Variants in MUC7 observed in about 807,000 individuals in gnomAD.
The protein encoded by MUC7 is mucin-7.
In MUC7, 2 loss-of-function variants were observed where a neutral mutation model predicts 2.5. The ratio of observed to expected loss-of-function variants is 0.81; its 90% CI spans 0.33 to 2.55. The LOEUF is 2.55. MUC7 is among the 30% of genes most tolerant of loss of function. MUC7 has a pLI of 0.11. For synonymous variants in MUC7, 133 were observed against 173.4 expected, an observed-to-expected ratio of 0.77 and a Z score of 1.83; for missense variants, 408 against 455.6, an observed-to-expected ratio of 0.90 and a Z score of 0.95.
chr4:70,465,514 G>A (rs1457680467), intron 1 of MUC7, among the ~76,000 whole-genome samples: 1 of 152,108 alleles, frequency 6.6e-6, no homozygotes, highest in Non-Finnish European at 1.5e-5. Flanking sequence ...AAGGTTAGCA[G>A]AATTGCTAAC....
At chr4:70,466,065 C>A (rs1343935359) in intron 1 of MUC7, among the ~76,000 whole-genome samples, 1 of 152,210 alleles carries the variant, frequency 6.6e-6, no homozygotes, top group Non-Finnish European at 1.5e-5. Flanking sequence ...GACCTCTCTG[C>A]AGAAACCCTG....
At chr4:70,431,267 AT>A (rs1315810775) in intron 1 of MUC7, among the ~76,000 whole-genome samples, 1 of 150,282 alleles carries the variant, frequency 6.7e-6, no homozygotes, top group Non-Finnish European at 1.5e-5. Context: ...CTTTTTTTTC[AT>A]TTGTAACAAG....
intron 1 of MUC7, among the ~76,000 whole-genome samples, chr4:70,457,321 CTG>C (rs1274934440): frequency 6.6e-6 from 1 of 152,050 alleles, no homozygotes; most frequent in Non-Finnish European, 1.5e-5. Context: ...TGGTGCATGA[CTG>C]TAGTTCCAGC....
At chr4:70,466,325 T>C (rs1051627396) in intron 1 of MUC7, among the ~76,000 whole-genome samples, 2 of 152,070 alleles carry the variant, frequency 1.3e-5, no homozygotes, top group Non-Finnish European at 2.9e-5. Flanking sequence ...GTAAAGACCA[T>C]TGAGGCTAGG....
intron 1 of MUC7, among the ~76,000 whole-genome samples, chr4:70,433,748 C>A (rs1420694151): frequency 6.6e-6 from 1 of 152,170 alleles, no homozygotes; most frequent in Non-Finnish European, 1.5e-5. Flanking sequence ...CTGGCCAGAA[C>A]TTCCAACACT....
Position 70,437,810 on chromosome 4 carries a change from C to T in MUC7, c.-93+7123C>T, listed in dbSNP as rs113540173. ...AAATCACCATCTTCTGCATCAGTCT[C>T]GCTGGGAGCTGTAGACTGGAGCTGT... On this transcript the variant is annotated intron_variant, in intron 1 of 3. Transcript: ENST00000413702. Among the ~76,000 whole-genome samples the T allele has an allele frequency of 2.2e-3, 336 of 152,232 alleles. 1 individual carries two copies. In the Middle Eastern group the frequency reaches 0.024, roughly 11 times the overall value.
upstream of MUC7, among the ~76,000 whole-genome samples, chr4:70,467,210 A>G (rs1043073466): frequency 1.3e-5 from 2 of 152,256 alleles, no homozygotes; most frequent in Admixed American, 1.3e-4. Context: ...TTTGAAACAC[A>G]TGAGAACAAA....
At chr4:70,479,951 G>A (rs534361496) in intron 2 of MUC7, among the ~76,000 whole-genome samples, 1 of 152,208 alleles carries the variant, frequency 6.6e-6, no homozygotes, top group East Asian at 1.9e-4. Flanking sequence ...AGGAATTACA[G>A]TAGTGAGTTC....
chr4:70,437,476 G>T (rs1733877145), intron 1 of MUC7, among the ~76,000 whole-genome samples: 1 of 152,208 alleles, frequency 6.6e-6, no homozygotes, highest in African/African-American at 2.4e-5. Flanking sequence ...GTCGATCTCA[G>T]ACTGCTGTAC....
intron 1 of MUC7, among the ~76,000 whole-genome samples, chr4:70,466,347 T>C (rs1734681903): frequency 6.6e-6 from 1 of 152,106 alleles, no homozygotes; most frequent in African/African-American, 2.4e-5. Flanking sequence ...AGAAACTGCA[T>C]CAAATAACCA....
chr4:70,478,414 G>A (rs986849189), intron 2 of MUC7, among the ~76,000 whole-genome samples: 1 of 152,146 alleles, frequency 6.6e-6, no homozygotes, highest in African/African-American at 2.4e-5. Flanking sequence ...GTGATTAAGG[G>A]AATGAACCAC....
chr4:70,452,559 CAA>C (rs59993049), intron 1 of MUC7, among the ~76,000 whole-genome samples: 34 of 151,138 alleles, frequency 2.2e-4, no homozygotes, highest in Non-Finnish European at 4.0e-4. Context: ...AAAACAAAAA[CAA>C]AAAAAAAAGC....
Position 70,446,487 on chromosome 4 carries a change from C to A in MUC7, c.-93+15800C>A, listed in dbSNP as rs540197284. On this transcript the variant is annotated intron_variant, in intron 1 of 3. Coordinates refer to the MUC7 transcript ENST00000413702. ...TGTGGCAGTATACTTCCAATCTCTG[C>A]CTCTGTCTTCAAATGACATTTTCCT... 3.3e-5 allele frequency among the ~76,000 whole-genome samples: 5 copies of A among 152,296 alleles called. No homozygotes were observed. The South Asian group carries it at 1.0e-3, about 32-fold the overall frequency.
chr4:70,468,527 A>G (rs1275903329), upstream of MUC7, among the ~76,000 whole-genome samples: 1 of 152,212 alleles, frequency 6.6e-6, no homozygotes, highest in African/African-American at 2.4e-5. Context: ...TCTCAGCCCA[A>G]AATCTCCTTA....
rs148803865 is a variant in MUC7 at position 70,481,459 on chromosome 4, C to T, written c.715C>T (p.Pro239Ser). 18 of 1,500,474 alleles carry T rather than the reference C, an allele frequency of 1.2e-5. No individual in the cohort carries two copies. Among genetic ancestry groups the T allele is most frequent in the Non-Finnish European group, 1.6e-5 (18 of 1,120,030 alleles). The allele number at this position is 1,500,474 out of a possible 1,614,324, so 92.9% of individuals were successfully genotyped here. A position where few individuals can be genotyped will look rare whatever the true frequency, so the allele number is the denominator to read the frequency against. The change falls in exon 3 of 3, where the codon CCC becomes TCC. Residue 239 changes from proline to serine, a missense_variant. Coordinates refer to ENST00000304887, the MANE Select transcript of MUC7 (RefSeq NM_152291.3). ...TCCACCAGAGACCACAGCTGCCCCA[C>T]CCACACCTTCTGCAACTACACCAGC... is the stretch of plus-strand genomic sequence containing the variant. ...SAPPETTAAP[P>S]TPSATTPAPL...
intron 1 of MUC7, among the ~76,000 whole-genome samples, chr4:70,443,953 T>G (rs1265936878): frequency 6.6e-6 from 1 of 152,224 alleles, no homozygotes; most frequent in Non-Finnish European, 1.5e-5. Flanking sequence ...AATCCAGTTC[T>G]TTCTTGTAAG....
intron 1 of MUC7, among the ~76,000 whole-genome samples, chr4:70,438,182 T>G (rs72852795): frequency 0.035 from 5,330 of 152,254 alleles, 300 homozygotes; most frequent in African/African-American, 0.12. Flanking sequence ...TTCATTTCTG[T>G]CCAGGTGCCA....
chr4:70,443,857 A>C (rs1340416409), intron 1 of MUC7, among the ~76,000 whole-genome samples: 2 of 152,214 alleles, frequency 1.3e-5, no homozygotes, highest in African/African-American at 2.4e-5. Flanking sequence ...AATCCTGATA[A>C]ACCAAAAGCT....
chr4:70,444,321 C>T (rs912026029), intron 1 of MUC7, among the ~76,000 whole-genome samples: 1 of 152,232 alleles, frequency 6.6e-6, no homozygotes, highest in Admixed American at 6.5e-5. Flanking sequence ...ATCCCCTCTT[C>T]CTTAGGAACC....
Sources: gnomAD v4.1 joint callset for allele counts (sites outside exome capture counted in the v4.1 genomes callset) on GRCh38, gnomAD v4.1.1 for gene constraint, MANE v1.5 for transcripts, NCBI Gene and HGNC (gene_info 2026-07-23, HGNC 2026-07-21) for gene names.